The following TNR variants were observed in gnomAD, a reference collection of about 807,000 sequenced individuals.
TNR encodes the protein tenascin R, also known as tenascin-R.
In TNR, 45 loss-of-function variants were observed where a neutral mutation model predicts 150.4. That is an observed-to-expected ratio of 0.30 (90% confidence interval 0.24 to 0.38). The LOEUF (loss-of-function observed/expected upper bound fraction) is 0.38, where lower values mean the gene tolerates loss of function less well. TNR is among the 10% of genes least tolerant of loss of function. The pLI, the probability that TNR is intolerant of heterozygous loss-of-function variation, is 1.00. For missense variants in TNR, 1,544 were observed against 1,759.1 expected, an observed-to-expected ratio of 0.88 and a Z score of 2.19; for synonymous variants, 687 against 678.4, an observed-to-expected ratio of 1.01 and a Z score of -0.20.
At chr1:175,433,854 A>C (rs1241029721) in intron 2 of TNR, among the ~76,000 whole-genome samples, 1 of 152,192 alleles carries the variant, frequency 6.6e-6, no homozygotes, top group Non-Finnish European at 1.5e-5. Flanking sequence ...AAGCCCATCC[A>C]TTGCGTCACG....
At chr1:175,340,851 T>C (rs1650486135) in intron 18 of TNR, among the ~76,000 whole-genome samples, 1 of 152,214 alleles carries the variant, frequency 6.6e-6, no homozygotes, top group South Asian at 2.1e-4. Flanking sequence ...ATTGAATGTC[T>C]GTCTCTCTCT....
At chr1:175,548,204 T>C (rs921203601) in intron 1 of TNR, among the ~76,000 whole-genome samples, 1 of 152,128 alleles carries the variant, frequency 6.6e-6, no homozygotes, top group Non-Finnish European at 1.5e-5. Context: ...CTCCCTAGAA[T>C]ACAGTTTTAG....
chr1:175,423,875 G>C (rs1654859280), intron 2 of TNR, among the ~76,000 whole-genome samples: 1 of 152,176 alleles, frequency 6.6e-6, no homozygotes, highest in African/African-American at 2.4e-5. Flanking sequence ...GCACTCAACA[G>C]AACCAGGTAT....
intron 1 of TNR, among the ~76,000 whole-genome samples, chr1:175,606,027 G>T (rs114515922): frequency 6.6e-6 from 1 of 151,460 alleles, no homozygotes. Flanking sequence ...AGCCATTTGC[G>T]CACTCTTTCC....
intron 1 of TNR, among the ~76,000 whole-genome samples, chr1:175,679,979 T>C (rs1386996996): frequency 6.6e-6 from 1 of 152,142 alleles, no homozygotes; most frequent in Non-Finnish European, 1.5e-5. Flanking sequence ...AAGACAGAGC[T>C]TCCCCATGAT....
At chr1:175,618,982 G>C (rs1002163801) in intron 1 of TNR, among the ~76,000 whole-genome samples, 2 of 152,174 alleles carry the variant, frequency 1.3e-5, no homozygotes, top group African/African-American at 4.8e-5. Context: ...GCACAGCTGT[G>C]CCTCCCTGGC....
Position 175,509,917 on chromosome 1 carries a change from A to C in TNR, c.-64+18352T>G, listed in dbSNP as rs942580355. Reference sequence around the variant, plus strand: ...GGGTGTGTGTATGTGTATGTGTTAAATTCTTTTCTAAAATGTATTTAAGGT... The same window carrying C: ...GGGTGTGTGTATGTGTATGTGTTAACTTCTTTTCTAAAATGTATTTAAGGT... On this transcript the variant is annotated intron_variant, in intron 2 of 22. Transcript: ENST00000367674. 2.0e-5 allele frequency among the ~76,000 whole-genome samples: 3 copies of C among 152,222 alleles called. No individual in the cohort carries two copies. In the South Asian group the frequency reaches 6.2e-4, roughly 32 times the overall value.
intron 1 of TNR, among the ~76,000 whole-genome samples, chr1:175,666,170 G>C (rs1665527529): frequency 1.3e-5 from 2 of 152,162 alleles, no homozygotes; most frequent in Non-Finnish European, 2.9e-5. Context: ...ATACAGATGA[G>C]AACATTGAGA....
chr1:175,481,226 A>T (rs919436118), intron 2 of TNR, among the ~76,000 whole-genome samples: 3 of 152,194 alleles, frequency 2.0e-5, no homozygotes, highest in African/African-American at 7.2e-5. Flanking sequence ...AAAATTACTG[A>T]TTGATGAATG....
At chr1:175,449,444 C>CT (rs2102091169) in intron 2 of TNR, among the ~76,000 whole-genome samples, 1 of 152,304 alleles carries the variant, frequency 6.6e-6, no homozygotes, top group East Asian at 1.9e-4. Context: ...TTTCCTTCCT[C>CT]TTTTTCTTCT....
intron 4 of TNR, 36 bp downstream of exon 4, chr1:175,403,104 C>T (rs776528305): frequency 8.3e-6 from 13 of 1,568,294 alleles, no homozygotes; most frequent in Middle Eastern, 1.8e-4. Context: ...TGCTGGACCA[C>T]CCTTGCCAAA....
chr1:175,362,126 T>G (rs1418163709), intron 14 of TNR, among the ~76,000 whole-genome samples: 1 of 152,192 alleles, frequency 6.6e-6, no homozygotes, highest in Admixed American at 6.5e-5. Context: ...CAGCCCAGGA[T>G]GCACACGGAG....
chr1:175,716,193 A>C (rs944182409), intron 1 of TNR, among the ~76,000 whole-genome samples: 4 of 152,164 alleles, frequency 2.6e-5, no homozygotes, highest in Non-Finnish European at 4.4e-5. Context: ...CTCAAAGCTC[A>C]TGCACTGCCT....
At chr1:175,624,462 A>G (rs1664081480) in intron 1 of TNR, among the ~76,000 whole-genome samples, 1 of 152,176 alleles carries the variant, frequency 6.6e-6, no homozygotes. Flanking sequence ...AGGAGATGAG[A>G]CAGATACAGA....
chr1:175,544,469 T>C (rs1660613439), intron 1 of TNR, among the ~76,000 whole-genome samples: 1 of 152,176 alleles, frequency 6.6e-6, no homozygotes, highest in Non-Finnish European at 1.5e-5. Flanking sequence ...AAAAACATTA[T>C]TAACCAGGAA....
intron 1 of TNR, among the ~76,000 whole-genome samples, chr1:175,549,889 C>A (rs10798398): frequency 1.3e-5 from 2 of 152,012 alleles, no homozygotes; most frequent in Non-Finnish European, 2.9e-5. Context: ...GTCTGAGAAC[C>A]TGAGCTAAGT....
intron 2 of TNR, among the ~76,000 whole-genome samples, chr1:175,452,361 A>G (rs1376552778): frequency 5.3e-5 from 8 of 152,276 alleles, no homozygotes; most frequent in Non-Finnish European, 2.9e-5. Flanking sequence ...TCAGGGCTGT[A>G]ACTTTTACAA....
intron 18 of TNR, among the ~76,000 whole-genome samples, chr1:175,338,199 C>T (rs1461339517): frequency 1.3e-5 from 2 of 152,188 alleles, no homozygotes; most frequent in East Asian, 1.9e-4. Flanking sequence ...CAAACAAGCT[C>T]GGCATTAGCA....
intron 1 of TNR, among the ~76,000 whole-genome samples, chr1:175,586,228 T>C (rs1463016755): frequency 6.6e-6 from 1 of 152,144 alleles, no homozygotes; most frequent in East Asian, 1.9e-4. Context: ...GGTAGGGGGA[T>C]TTGTAGTCAG....
Sources: allele counts gnomAD v4.1 joint callset (sites outside exome capture counted in the v4.1 genomes callset), GRCh38; gene constraint gnomAD v4.1.1; transcripts MANE v1.5; gene names NCBI Gene and HGNC (gene_info 2026-07-23, HGNC 2026-07-21).